CNTN5: variants seen among roughly 807,000 people sequenced by gnomAD.
The protein encoded by CNTN5 is contactin 5, also known as contactin-5.
A neutral mutation model predicts 129.1 loss-of-function variants in CNTN5; 77 were observed. The observed-to-expected ratio is 0.60, with a 90% CI of 0.50 to 0.72. CNTN5 has a LOEUF of 0.72. Among genes scored for constraint, CNTN5 ranks in the 30% least tolerant of loss-of-function variants. The pLI is 0.00. For synonymous variants in CNTN5, 509 were observed against 465.6 expected (o/e 1.09, Z -1.20); for missense variants, 1,478 against 1,328.8 (o/e 1.11, Z -1.75).
At chr11:99,975,070 A>G (rs1937854293) in intron 8 of CNTN5, among the ~76,000 whole-genome samples, 1 of 152,256 alleles carries the variant, frequency 6.6e-6, no homozygotes, top group Non-Finnish European at 1.5e-5. Context: ...CAAGTCGGCC[A>G]TTGCCGCAGG....
chr11:99,470,905 G>A (rs1945146397), intron 2 of CNTN5, among the ~76,000 whole-genome samples: 1 of 152,080 alleles, frequency 6.6e-6, no homozygotes. Context: ...GGCAGAATGT[G>A]AAGTAAGTAA....
chr11:99,895,275 A>G (rs1565649891), intron 6 of CNTN5, among the ~76,000 whole-genome samples: 1 of 152,236 alleles, frequency 6.6e-6, no homozygotes, highest in Non-Finnish European at 1.5e-5. Flanking sequence ...GCTAGTCAAT[A>G]TTGACATTCC....
chr11:99,713,672 C>T (rs1244224350), intron 3 of CNTN5, among the ~76,000 whole-genome samples: 8 of 151,946 alleles, frequency 5.3e-5, no homozygotes, highest in Non-Finnish European at 8.8e-5. Flanking sequence ...GACTTCGTCT[C>T]TTTTTTACCA....
At chr11:99,856,691 G>T (rs11221647) in intron 6 of CNTN5, among the ~76,000 whole-genome samples, 1 of 152,060 alleles carries the variant, frequency 6.6e-6, no homozygotes, top group African/African-American at 2.4e-5. Context: ...AAAAATATTA[G>T]CTCTTTGTCT....
At position 100,318,948 on chromosome 11, in the gene CNTN5, G is replaced by A. The variant is rs574604877; in HGVS notation, c.2730+10480G>A. On this transcript the variant is annotated intron_variant, in intron 21 of 24. Transcript: ENST00000524871. ...GGGCAAGGCTTTTTTCTTTAAATCT[G>A]CATACAGACAAGTGTACAAATCATA... 5.3e-5 allele frequency among the ~76,000 whole-genome samples: 8 copies of A among 152,178 alleles called. No homozygotes were observed. In the East Asian group the frequency reaches 1.5e-3, roughly 29 times the overall value.
intron 3 of CNTN5, among the ~76,000 whole-genome samples, chr11:99,777,186 A>C (rs1945153108): frequency 6.6e-6 from 1 of 151,876 alleles, no homozygotes; most frequent in African/African-American, 2.4e-5. Context: ...TTGACAATTT[A>C]CTATTCAAAA....
chr11:99,382,874 T>TTTTTTTC, intron 2 of CNTN5, among the ~76,000 whole-genome samples: 1 of 141,894 alleles, frequency 7.0e-6, no homozygotes, highest in Non-Finnish European at 1.5e-5. Flanking sequence ...TTTTTTTTTT[T>TTTTTTTC]TAGACAGAGT....
At chr11:99,105,477 T>A (rs1246307547) in intron 1 of CNTN5, among the ~76,000 whole-genome samples, 1 of 152,194 alleles carries the variant, frequency 6.6e-6, no homozygotes, top group Non-Finnish European at 1.5e-5. Flanking sequence ...CACAGAATCT[T>A]GAATTCATAG....
At chr11:99,873,419 TCA>T (rs561645113) in intron 6 of CNTN5, among the ~76,000 whole-genome samples, 103 of 152,062 alleles carry the variant, frequency 6.8e-4, no homozygotes, top group African/African-American at 1.9e-3. Flanking sequence ...ACTACACATT[TCA>T]CACACAAAAA....
At chr11:99,259,898 CATTTCATAT>C (rs777045256) in intron 1 of CNTN5, among the ~76,000 whole-genome samples, 13 of 151,738 alleles carry the variant, frequency 8.6e-5, no homozygotes, top group Non-Finnish European at 1.5e-4. Context: ...AATTTAGCAC[CATTTCATAT>C]ATTTTGGTCA....
chr11:99,298,094 T>G (rs571316704), intron 1 of CNTN5, among the ~76,000 whole-genome samples: 9 of 152,012 alleles, frequency 5.9e-5, no homozygotes, highest in Non-Finnish European at 1.2e-4. Context: ...AGGACCCAAG[T>G]GGGCCCTGTA....
At chr11:99,253,137 C>T (rs1862200765) in intron 1 of CNTN5, among the ~76,000 whole-genome samples, 1 of 151,996 alleles carries the variant, frequency 6.6e-6, no homozygotes, top group African/African-American at 2.4e-5. Context: ...GCATTAGTTT[C>T]CCCCATACTG....
At position 99,452,838 on chromosome 11, in the gene CNTN5, C is replaced by G. The variant is rs559217656; in HGVS notation, c.-70-103307C>G. ...AGACTGGGTCAAAATCTTAAATTAT[C>G]AGGTACATACTTTATGCCAGGTAGC... On this transcript the variant is annotated intron_variant, in intron 2 of 24. Coordinates refer to ENST00000524871, the MANE Select transcript of CNTN5 (RefSeq NM_014361.4). Among the ~76,000 whole-genome samples the G allele has an allele frequency of 2.0e-5, 3 of 152,232 alleles. No individual in the cohort carries two copies. In the East Asian group the frequency reaches 5.8e-4, roughly 29 times the overall value.
chr11:99,434,342 A>G (rs1943518633), intron 2 of CNTN5, among the ~76,000 whole-genome samples: 1 of 152,318 alleles, frequency 6.6e-6, no homozygotes, highest in African/African-American at 2.4e-5. Flanking sequence ...AAAATTAGCA[A>G]TATTCCATGC....
At chr11:99,697,231 A>G (rs1380874354) in intron 3 of CNTN5, among the ~76,000 whole-genome samples, 2 of 151,530 alleles carry the variant, frequency 1.3e-5, no homozygotes, top group African/African-American at 4.9e-5. Flanking sequence ...ATACAACATA[A>G]CTCTTCTGTG....
At chr11:99,101,309 T>C (rs1429024607) in intron 1 of CNTN5, among the ~76,000 whole-genome samples, 2 of 152,104 alleles carry the variant, frequency 1.3e-5, no homozygotes, top group East Asian at 1.9e-4. Flanking sequence ...TGATAAACCA[T>C]ATCATTCTGT....
At chr11:100,351,558 C>G (rs1355392366) in intron 24 of CNTN5, among the ~76,000 whole-genome samples, 1 of 150,216 alleles carries the variant, frequency 6.7e-6, no homozygotes, top group African/African-American at 2.4e-5. Context: ...AACCACATAT[C>G]TCCATCACCA....
chr11:99,679,298 C>G (rs1953448980), intron 3 of CNTN5, among the ~76,000 whole-genome samples: 1 of 151,458 alleles, frequency 6.6e-6, no homozygotes, highest in African/African-American at 2.4e-5. Context: ...TTATCGCACT[C>G]TGCTTTATTA....
chr11:100,102,395 C>T (rs1432102065), intron 13 of CNTN5, among the ~76,000 whole-genome samples: 2 of 151,754 alleles, frequency 1.3e-5, no homozygotes, highest in African/African-American at 4.8e-5. Context: ...TGTTCTTCAC[C>T]CACTTTTTGA....
Sources: gnomAD v4.1 joint callset for allele counts (sites outside exome capture counted in the v4.1 genomes callset) on GRCh38, gnomAD v4.1.1 for gene constraint, MANE v1.5 for transcripts, NCBI Gene and HGNC (gene_info 2026-07-23, HGNC 2026-07-21) for gene names.